PTPRF: variants seen among roughly 807,000 people sequenced by gnomAD.
The protein encoded by PTPRF is protein tyrosine phosphatase receptor type F, also known as receptor-type tyrosine-protein phosphatase F.
A neutral mutation model predicts 201.8 loss-of-function variants in PTPRF; 59 were observed. The ratio of observed to expected loss-of-function variants is 0.29; its 90% CI spans 0.24 to 0.36. The LOEUF (loss-of-function observed/expected upper bound fraction) is 0.36. PTPRF is among the 10% of genes least tolerant of loss of function. The pLI is 1.00. For missense variants in PTPRF, 2,132 were observed against 2,690.5 expected, an observed-to-expected ratio of 0.79 and a Z score of 4.59; for synonymous variants, 1,088 against 1,089.7, an observed-to-expected ratio of 1.00 and a Z score of 0.03.
chr1:43,522,691 G>C (rs1034764806), upstream of PTPRF, among the ~76,000 whole-genome samples: 9 of 152,212 alleles, frequency 5.9e-5, no homozygotes, highest in African/African-American at 1.9e-4. Context: ...ATGTGAAGGA[G>C]GTGGGGTGGA....
At chr1:43,555,355 G>C (rs1003533079) in intron 5 of PTPRF, among the ~76,000 whole-genome samples, 1 of 151,150 alleles carries the variant, frequency 6.6e-6, no homozygotes, top group Admixed American at 6.6e-5. Context: ...CATACTGTCC[G>C]ATGATTTGTA....
Position 43,545,090 on chromosome 1 carries a change from A to G in PTPRF, c.15A>G (p.Pro5=). ...TAGAGCCCTGGATGGCCCCTGAGCCAGCCCCAGGGAGGACGATGGTGCCCC... is the reference window on the plus strand; with the variant it reads ...TAGAGCCCTGGATGGCCCCTGAGCCGGCCCCAGGGAGGACGATGGTGCCCC... MAPE[P]APGRTMVPLV... The change falls in exon 3 of 34, where the codon CCA becomes CCG. Residue 5 remains proline (P), a synonymous_variant. Transcript: ENST00000359947. The G allele has an allele frequency of 6.3e-7, 1 of 1,581,704 alleles. No individual in the cohort carries two copies. Among genetic ancestry groups the G allele is most frequent in the East Asian group, 2.3e-5 (1 of 43,042 alleles).
chr1:43,613,086 C>G (rs891248065), intron 22 of PTPRF: 1 of 352,938 alleles, frequency 2.8e-6, no homozygotes, highest in African/African-American at 2.1e-5. Flanking sequence ...GTGCCTCTAC[C>G]TCTCATCTCC....
intron 7 of PTPRF, among the ~76,000 whole-genome samples, chr1:43,587,498 C>T (rs1380298103): frequency 1.2e-4 from 19 of 152,170 alleles, no homozygotes; most frequent in Admixed American, 1.2e-3. Flanking sequence ...AGACGTTGGA[C>T]CGGGAGGTCT....
chr1:43,551,767 C>G (rs969940040), intron 3 of PTPRF, among the ~76,000 whole-genome samples: 7 of 152,232 alleles, frequency 4.6e-5, no homozygotes, highest in African/African-American at 1.7e-4. Context: ...CAGCTTCCCT[C>G]ATGGAAGGCC....
At position 43,544,903 on chromosome 1, in the gene PTPRF, G is replaced by C. The variant is rs183920519; in HGVS notation, c.-45-128G>C. 5.4e-3 allele frequency: 3,261 copies of C among 608,170 alleles called. 18 individuals are homozygous for C. The highest frequency in any genetic ancestry group is 7.9e-3 in the Non-Finnish European group (2,780 of 351,772). The allele number at this position is 608,170 out of a possible 1,614,324, so 37.7% of individuals were successfully genotyped here. ...TAGGTGGTCATTGCACAGCCCAAGT[G>C]GGGGGCTCTGTTGAACTAGGCTCTG... On this transcript the variant is annotated intron_variant, in intron 2 of 33. Transcript: ENST00000359947.
chr1:43,541,283 C>T (rs903641403), intron 2 of PTPRF, among the ~76,000 whole-genome samples: 8 of 152,190 alleles, frequency 5.3e-5, no homozygotes, highest in Non-Finnish European at 7.3e-5. Context: ...TCTGTGTTTG[C>T]GTATTTATGA....
At position 43,623,652 on chromosome 1, in the gene PTPRF, CAG is replaced by C. The variant is rs1304540801; in HGVS notation, c.*1651_*1652del. 2 of 152,556 alleles carry C rather than the reference CAG, an allele frequency of 1.3e-5. No individual in the cohort carries two copies. The highest frequency in any genetic ancestry group is 2.9e-5 in the Non-Finnish European group (2 of 68,032). The allele number at this position is 152,556 out of a possible 1,614,324, so 9.5% of individuals were successfully genotyped here. Reference sequence around the variant, plus strand: ...CTTGATGGTAATAAATTTGAATAATCAGATTTCTTACAAACCAGGACTCTGTC... The same window carrying C: ...CTTGATGGTAATAAATTTGAATAATCATTTCTTACAAACCAGGACTCTGTC... On this transcript the variant is annotated 3_prime_UTR_variant, in exon 34 of 34. Coordinates refer to ENST00000359947, the MANE Select transcript of PTPRF (RefSeq NM_002840.5).
upstream of PTPRF, among the ~76,000 whole-genome samples, chr1:43,526,439 ATTT>A (rs570011163): frequency 1.4e-5 from 2 of 147,994 alleles, no homozygotes; most frequent in African/African-American, 2.5e-5. Flanking sequence ...TACAAAAAAA[ATTT>A]TTTTTTTTTA....
intron 11 of PTPRF, among the ~76,000 whole-genome samples, chr1:43,595,281 G>C (rs1368185316): frequency 6.6e-6 from 1 of 152,186 alleles, no homozygotes; most frequent in Non-Finnish European, 1.5e-5. Flanking sequence ...CATGATCTTG[G>C]CTCACTGCAA....
intron 29 of PTPRF, 73 bp from the exon 30 acceptor site, chr1:43,620,022 G>T (rs1658806246): frequency 6.2e-7 from 1 of 1,601,148 alleles, no homozygotes; most frequent in African/African-American, 1.3e-5. Context: ...GGGCCCCAAG[G>T]GGCTAGGCAG....
intron 8 of PTPRF, 146 bp from the exon 9 acceptor site, chr1:43,590,826 C>G: frequency 2.5e-6 from 2 of 806,238 alleles, no homozygotes; most frequent in East Asian, 5.0e-5. Flanking sequence ...TCACCATAAG[C>G]TTTTCCAGCC....
chr1:43,600,984 G>C (rs1653612714), intron 13 of PTPRF, among the ~76,000 whole-genome samples: 1 of 152,168 alleles, frequency 6.6e-6, no homozygotes, highest in African/African-American at 2.4e-5. Context: ...CAGGCAAGGA[G>C]ACTGGAAGGG....
chr1:43,559,686 TTGTG>T lies in PTPRF; in HGVS notation c.379+5748_379+5751del, dbSNP rs546807660. On this transcript the variant is annotated intron_variant, in intron 5 of 33. Transcript: ENST00000359947. The stretch of plus-strand genomic sequence containing the variant: ...TTATGTGCAGCATGCGGCGAGTACT[TTGTG>T]TGGTGTACAGCAGGTGGTGTGCGGC... Among the ~76,000 whole-genome samples the T allele has an allele frequency of 2.5e-3, 368 of 148,584 alleles. 3 individuals carry two copies. The highest frequency in any genetic ancestry group is 7.2e-3 in the African/African-American group (286 of 39,952).
chr1:43,591,598 G>A (rs986933294), intron 9 of PTPRF, 45 bp downstream of exon 9: 1 of 1,509,926 alleles, frequency 6.6e-7, no homozygotes. Flanking sequence ...CAGAGAAGGG[G>A]AGGCTGAGGT....
chr1:43,618,907 G>A lies in PTPRF; in HGVS notation c.4492-141G>A, dbSNP rs1658510116. On this transcript the variant is annotated intron_variant, in intron 26 of 33. Coordinates refer to ENST00000359947, the MANE Select transcript of PTPRF (RefSeq NM_002840.5). ...TGATGATCCATGTTATGGGAACAGT[G>A]CTAGGAGCTTCAGGCTACTCTGTGT... 3 of 1,443,790 alleles carry A rather than the reference G, an allele frequency of 2.1e-6. No individual in the cohort carries two copies. The South Asian group carries it at 3.9e-5, about 19-fold the overall frequency. The allele number at this position is 1,443,790 out of a possible 1,614,324, so 89.4% of individuals were successfully genotyped here. A position where few individuals can be genotyped will look rare whatever the true frequency, so the allele number is the denominator to read the frequency against.
At chr1:43,599,299 C>T (rs367619686) in intron 13 of PTPRF, among the ~76,000 whole-genome samples, 1 of 152,210 alleles carries the variant, frequency 6.6e-6, no homozygotes, top group African/African-American at 2.4e-5. Flanking sequence ...TGGTCTCGAA[C>T]TCCTGACCTC....
At position 43,603,442 on chromosome 1, in the gene PTPRF, G is replaced by A. The variant is rs545691161; in HGVS notation, c.2367G>A (p.Pro789=). ...DYETTISGLT[P]ETTYSVTVAA... ...AAACCACTATCAGCGGCCTGACCCCGGAGACCACCTACTCCGTTACTGTTG... is the reference window on the plus strand; with the variant it reads ...AAACCACTATCAGCGGCCTGACCCCAGAGACCACCTACTCCGTTACTGTTG... Residue 789 remains proline, a synonymous_variant, in exon 15 of 34, where the codon CCG becomes CCA. Coordinates refer to ENST00000359947, the MANE Select transcript of PTPRF (RefSeq NM_002840.5). The surrounding 1 kb of genome is among the most constrained non-coding windows in gnomAD (Gnocchi z 5.8). The A allele has an allele frequency of 1.7e-5, 28 of 1,614,100 alleles. No homozygotes were observed. Among genetic ancestry groups the A allele is most frequent in the Middle Eastern group, 1.6e-4 (1 of 6,062 alleles).
intron 1 of PTPRF, 41 bp downstream of exon 1, chr1:43,531,131 C>A (rs1570835074): frequency 6.6e-6 from 1 of 150,660 alleles, no homozygotes; most frequent in African/African-American, 2.4e-5. Flanking sequence ...CCTCCGCTCC[C>A]GTCCCTTCCC....
Sources: allele counts gnomAD v4.1 joint callset (sites outside exome capture counted in the v4.1 genomes callset), GRCh38; gene constraint gnomAD v4.1.1; non-coding constraint Gnocchi (gnomAD v3.1); transcripts MANE v1.5; gene names NCBI Gene and HGNC (gene_info 2026-07-23, HGNC 2026-07-21).